CDH12: variants seen among roughly 807,000 people sequenced by gnomAD.
The protein encoded by CDH12 is cadherin-12.
CDH12 carries 41 observed loss-of-function variants against 74.1 expected under a neutral mutation model. That is an observed-to-expected ratio of 0.55 (90% CI 0.43 to 0.72). The LOEUF is 0.72. Ranked by LOEUF, CDH12 falls within the 30% of genes least tolerant of loss-of-function variation. The probability of loss-of-function intolerance (pLI) is 0.00; values close to 1 mark genes in which losing one functional copy is unlikely to be tolerated. For missense variants in CDH12, 945 were observed against 977.2 expected (o/e 0.97, Z 0.44); for synonymous variants, 399 against 355.0 (o/e 1.12, Z -1.39).
chr5:22,386,314 C>T (rs1420284586), intron 3 of CDH12, among the ~76,000 whole-genome samples: 1 of 152,140 alleles, frequency 6.6e-6, no homozygotes, highest in Non-Finnish European at 1.5e-5. Flanking sequence ...GTGGGGATTA[C>T]AATTCGACAT....
At chr5:22,776,811 C>T (rs1747127022) in intron 1 of CDH12, among the ~76,000 whole-genome samples, 1 of 152,052 alleles carries the variant, frequency 6.6e-6, no homozygotes, top group South Asian at 2.1e-4. Context: ...TTGCCCAAAA[C>T]ACAATAAATT....
chr5:22,154,120 A>T (rs1747836980), intron 4 of CDH12, among the ~76,000 whole-genome samples: 1 of 149,826 alleles, frequency 6.7e-6, no homozygotes, highest in African/African-American at 2.4e-5. Flanking sequence ...AAAAAAATTG[A>T]ATATATTTAT....
intron 4 of CDH12, among the ~76,000 whole-genome samples, chr5:22,125,431 G>GAAAA (rs1745795531): frequency 6.6e-6 from 1 of 152,138 alleles, no homozygotes; most frequent in Admixed American, 6.6e-5. Flanking sequence ...CCCTGCAAAA[G>GAAAA]ACATTAATTC....
intron 4 of CDH12, among the ~76,000 whole-genome samples, chr5:22,167,074 A>G (rs1748727380): frequency 6.6e-6 from 1 of 152,220 alleles, no homozygotes; most frequent in Non-Finnish European, 1.5e-5. Flanking sequence ...ATGATTATTC[A>G]TAATTTGCAG....
intron 4 of CDH12, among the ~76,000 whole-genome samples, chr5:22,119,411 TC>T (rs1465891803): frequency 6.7e-6 from 1 of 149,248 alleles, no homozygotes; most frequent in Admixed American, 6.7e-5. Flanking sequence ...TGCTTCAGCC[TC>T]CCAAGTAGCT....
At chr5:21,890,634 A>C (rs536370150) in intron 6 of CDH12, among the ~76,000 whole-genome samples, 6 of 152,118 alleles carry the variant, frequency 3.9e-5, no homozygotes, top group Non-Finnish European at 5.9e-5. Flanking sequence ...ACAAACAAGG[A>C]CCTGTCCTAC....
intron 6 of CDH12, among the ~76,000 whole-genome samples, chr5:21,880,591 CCTTCCTTCCTTCCTTCCTT>C (rs1561268181): frequency 1.9e-5 from 1 of 52,514 alleles, no homozygotes; most frequent in African/African-American, 6.6e-5. Flanking sequence ...TTCCTTCCTT[CCTTCCTTCCTTCCTTCCTT>C]CCTTCCTTCT....
At chr5:21,962,261 CTTATT>C (rs1756393017) in intron 6 of CDH12, among the ~76,000 whole-genome samples, 1 of 152,182 alleles carries the variant, frequency 6.6e-6, no homozygotes, top group South Asian at 2.1e-4. Context: ...CATTCAATCT[CTTATT>C]TTAATCATTT....
chr5:21,884,095 G>A, intron 6 of CDH12: 6 of 1,438,090 alleles, frequency 4.2e-6, no homozygotes, highest in Non-Finnish European at 5.9e-6. Context: ...TCAGAAGTTG[G>A]TTATGATGCT....
chr5:21,931,486 T>C (rs925340970), intron 6 of CDH12, among the ~76,000 whole-genome samples: 2 of 152,164 alleles, frequency 1.3e-5, no homozygotes, highest in Non-Finnish European at 2.9e-5. Flanking sequence ...AAAAGAAATA[T>C]TCACTAATAG....
intron 2 of CDH12, among the ~76,000 whole-genome samples, chr5:22,484,521 G>A (rs1027306474): frequency 6.6e-6 from 1 of 152,210 alleles, no homozygotes; most frequent in Non-Finnish European, 1.5e-5. Flanking sequence ...AGTAAACACT[G>A]AATGTGGAAG....
Position 21,816,939 on chromosome 5 carries a change from A to G in CDH12, c.1002+6T>C, listed in dbSNP as rs375741531. 4.7e-5 allele frequency: 74 copies of G among 1,583,760 alleles called. No homozygotes were observed. The highest frequency in any genetic ancestry group is 6.0e-5 in the Non-Finnish European group (69 of 1,158,724). ...TAGTCAACTGTCCCAACATTTGTCT[A>G]TATACCTTTTTCAATTTGATGACTC... On this transcript the variant is annotated splice_donor_region_variant and intron_variant, in intron 9 of 14. Coordinates refer to ENST00000382254, the MANE Select transcript of CDH12 (RefSeq NM_004061.5).
chr5:22,311,702 CAA>C (rs138539518), intron 3 of CDH12, among the ~76,000 whole-genome samples: 11,972 of 94,552 alleles, frequency 0.13, 498 homozygotes, highest in South Asian at 0.18. Context: ...GACTCCATCT[CAA>C]AAAAAAAAAA....
At chr5:22,015,346 A>C (rs569988532) in intron 5 of CDH12, among the ~76,000 whole-genome samples, 2 of 152,290 alleles carry the variant, frequency 1.3e-5, no homozygotes, top group South Asian at 4.1e-4. Flanking sequence ...CAACAGCTTA[A>C]CTTATCACAT....
chr5:21,983,204 C>T (rs1199482806), intron 5 of CDH12, among the ~76,000 whole-genome samples: 2 of 151,868 alleles, frequency 1.3e-5, no homozygotes, highest in African/African-American at 4.8e-5. Flanking sequence ...CACAGTATAC[C>T]TTTATTTTAC....
chr5:22,316,252 T>C (rs1738630664), intron 3 of CDH12, among the ~76,000 whole-genome samples: 1 of 151,898 alleles, frequency 6.6e-6, no homozygotes, highest in South Asian at 2.1e-4. Flanking sequence ...TTTTGTATTA[T>C]GCTATTAAAT....
At chr5:22,252,886 T>C (rs1009570430) in intron 3 of CDH12, among the ~76,000 whole-genome samples, 4 of 151,950 alleles carry the variant, frequency 2.6e-5, no homozygotes, top group Non-Finnish European at 5.9e-5. Context: ...ACTGAAAACA[T>C]GTATCCTTTT....
At chr5:21,959,233 C>T (rs1463317243) in intron 6 of CDH12, among the ~76,000 whole-genome samples, 1 of 152,246 alleles carries the variant, frequency 6.6e-6, no homozygotes, top group African/African-American at 2.4e-5. Flanking sequence ...AGAATCATGT[C>T]AGCTTCAAAT....
At chr5:22,610,401 T>G (rs2126825310) in intron 1 of CDH12, among the ~76,000 whole-genome samples, 1 of 152,296 alleles carries the variant, frequency 6.6e-6, no homozygotes, top group South Asian at 2.1e-4. Context: ...ATAAATAAAA[T>G]ATTCAATTAA....
Sources: gnomAD v4.1 joint callset for allele counts (sites outside exome capture counted in the v4.1 genomes callset) on GRCh38, gnomAD v4.1.1 for gene constraint, MANE v1.5 for transcripts, NCBI Gene and HGNC (gene_info 2026-07-23, HGNC 2026-07-21) for gene names.